Variants in CADM2 observed in about 807,000 individuals in gnomAD.
The protein encoded by CADM2 is immunoglobulin superfamily member 4D.
A neutral mutation model predicts 49.8 loss-of-function variants in CADM2; 12 were observed. The ratio of observed to expected loss-of-function variants is 0.24; its 90% CI spans 0.15 to 0.39. CADM2 has a LOEUF of 0.39. Among genes scored for constraint, CADM2 ranks in the 10% least tolerant of loss-of-function variants. CADM2 has a pLI of 1.00. For synonymous variants in CADM2, 214 were observed against 175.4 expected (o/e 1.22, Z -1.74); for missense variants, 378 against 492.3 (o/e 0.77, Z 2.20).
intron 1 of CADM2, among the ~76,000 whole-genome samples, chr3:85,483,801 A>G (rs2039309419): frequency 6.6e-6 from 1 of 151,488 alleles, no homozygotes; most frequent in Non-Finnish European, 1.5e-5. Flanking sequence ...TTACTTATAT[A>G]TAATTCATAT....
At chr3:85,814,584 G>T (rs2108146281) in intron 3 of CADM2, among the ~76,000 whole-genome samples, 1 of 152,098 alleles carries the variant, frequency 6.6e-6, no homozygotes, top group African/African-American at 2.4e-5. Flanking sequence ...TCCAGGATCT[G>T]GTTTTTTGAA....
rs553988922 is a variant in CADM2 at position 85,188,310 on chromosome 3, A to C, written c.61+228642A>C. On this transcript the variant is annotated intron_variant, in intron 1 of 9. Transcript: ENST00000383699. The stretch of plus-strand genomic sequence containing the variant: ...TGAAAGATACAAGATAAGCCTTTTC[A>C]GAAGTGTGTATATGTGACCAAAAAA... 5.3e-5 allele frequency among the ~76,000 whole-genome samples: 8 copies of C among 152,210 alleles called. No homozygotes were observed. The East Asian group carries it at 1.5e-3, about 29-fold the overall frequency.
chr3:85,089,504 C>A (rs1229928072), intron 1 of CADM2, among the ~76,000 whole-genome samples: 3 of 152,112 alleles, frequency 2.0e-5, no homozygotes, highest in Non-Finnish European at 4.4e-5. Context: ...TCCAAAATCT[C>A]AGTATCAACT....
chr3:85,247,228 T>C (rs1303707762), intron 1 of CADM2, among the ~76,000 whole-genome samples: 1 of 152,118 alleles, frequency 6.6e-6, no homozygotes, highest in African/African-American at 2.4e-5. Context: ...TAACACAAAA[T>C]ACTGAAATAC....
chr3:85,958,725 G>A (rs533213836), intron 7 of CADM2, among the ~76,000 whole-genome samples: 141 of 151,850 alleles, frequency 9.3e-4, no homozygotes, highest in Non-Finnish European at 1.9e-3. Flanking sequence ...GCCATAAAAA[G>A]GAGTGAGATC....
intron 5 of CADM2, among the ~76,000 whole-genome samples, chr3:85,888,147 A>C (rs1439018542): frequency 6.6e-6 from 1 of 152,074 alleles, no homozygotes; most frequent in Non-Finnish European, 1.5e-5. Flanking sequence ...TCACTTTCTT[A>C]GTATTTTATT....
At chr3:86,013,198 A>T in intron 8 of CADM2, 1 of 1,378,052 alleles carries the variant, frequency 7.3e-7, no homozygotes. Flanking sequence ...ACAGAAAAAC[A>T]TTGATGAAAC....
At chr3:85,834,995 T>A (rs1258847339) in intron 3 of CADM2, among the ~76,000 whole-genome samples, 1 of 151,648 alleles carries the variant, frequency 6.6e-6, no homozygotes, top group South Asian at 2.1e-4. Context: ...TGAGTGTGCT[T>A]GCACACGCAT....
At chr3:85,370,399 G>A (rs2033143144) in intron 1 of CADM2, among the ~76,000 whole-genome samples, 1 of 151,406 alleles carries the variant, frequency 6.6e-6, no homozygotes, top group Non-Finnish European at 1.5e-5. Context: ...TGCAACCTGG[G>A]TGACAGAGTG....
At chr3:85,027,236 T>C (rs937619823) in intron 1 of CADM2, among the ~76,000 whole-genome samples, 1 of 147,270 alleles carries the variant, frequency 6.8e-6, no homozygotes, top group African/African-American at 2.5e-5. Flanking sequence ...TGCCTCAGCC[T>C]CCTGAGTAGT....
intron 1 of CADM2, among the ~76,000 whole-genome samples, chr3:85,577,984 TTTCCTTCCTTCCTTCCTTCCTTCC>T (rs35676169): frequency 1.5e-5 from 2 of 134,220 alleles, no homozygotes; most frequent in South Asian, 2.7e-4. Flanking sequence ...TATTAATCTC[TTTCCTTCCTTCCTTCCTTCCTTCC>T]TTCCTTCCTT....
In CADM2 at chr3:85,089,252, A is replaced by T. The variant is rs546335448; in HGVS notation, c.61+129584A>T. On this transcript the variant is annotated intron_variant, in intron 1 of 9. Transcript: ENST00000383699. ...GTTAGTTCTTCAAGCATTTTTATTT[A>T]AAAAAAATAACTTTCAGAAAATTTT... Among the ~76,000 whole-genome samples, 70 of 151,906 alleles carry T rather than the reference A, an allele frequency of 4.6e-4. 1 individual carries two copies. In the South Asian group the frequency reaches 9.8e-3, roughly 21 times the overall value.
intron 1 of CADM2, among the ~76,000 whole-genome samples, chr3:85,276,748 G>A (rs909471327): frequency 3.3e-5 from 5 of 151,144 alleles, no homozygotes; most frequent in Non-Finnish European, 5.9e-5. Flanking sequence ...TATATTATAA[G>A]AAGAAGAAAT....
At chr3:85,534,971 G>T (rs911548443) in intron 1 of CADM2, among the ~76,000 whole-genome samples, 1 of 152,054 alleles carries the variant, frequency 6.6e-6, no homozygotes, top group Non-Finnish European at 1.5e-5. Flanking sequence ...TGACATTACA[G>T]CCACAAAATG....
At chr3:85,137,168 G>A (rs899052155) in intron 1 of CADM2, among the ~76,000 whole-genome samples, 1 of 151,812 alleles carries the variant, frequency 6.6e-6, no homozygotes, top group African/African-American at 2.4e-5. Flanking sequence ...AATCAATGAA[G>A]TGGATTTCAT....
At chr3:85,558,456 A>G (rs2062015009) in intron 1 of CADM2, among the ~76,000 whole-genome samples, 1 of 151,128 alleles carries the variant, frequency 6.6e-6, no homozygotes, top group Non-Finnish European at 1.5e-5. Flanking sequence ...TCAAATCAAG[A>G]CAGTTAATAT....
At chr3:85,392,471 T>G (rs2034563666) in intron 1 of CADM2, among the ~76,000 whole-genome samples, 1 of 152,128 alleles carries the variant, frequency 6.6e-6, no homozygotes, top group Admixed American at 6.5e-5. Flanking sequence ...AAATTTAATT[T>G]GTTTTCTATA....
At chr3:85,042,019 T>C (rs1236315572) in intron 1 of CADM2, among the ~76,000 whole-genome samples, 1 of 152,118 alleles carries the variant, frequency 6.6e-6, no homozygotes. Flanking sequence ...TGAACAGAAA[T>C]GAGCTTTAAA....
intron 1 of CADM2, among the ~76,000 whole-genome samples, chr3:85,484,930 G>T (rs1009358874): frequency 6.6e-6 from 1 of 151,708 alleles, no homozygotes; most frequent in East Asian, 1.9e-4. Flanking sequence ...TTTCCTTCAC[G>T]CAGTTTGCCA....
Sources: gnomAD v4.1 joint callset for allele counts (sites outside exome capture counted in the v4.1 genomes callset) on GRCh38, gnomAD v4.1.1 for gene constraint, MANE v1.5 for transcripts, NCBI Gene and HGNC (gene_info 2026-07-23, HGNC 2026-07-21) for gene names.